The following CDH17 variants were observed in gnomAD, a reference collection of about 807,000 sequenced individuals.
The protein encoded by CDH17 is cadherin-17.
Under a neutral mutation model 86.3 loss-of-function variants are expected in CDH17, and 67 were observed. The observed-to-expected ratio is 0.78, with a 90% confidence interval of 0.64 to 0.95. The LOEUF (loss-of-function observed/expected upper bound fraction) is 0.95. Ranked by LOEUF, CDH17 falls within the 40% of genes least tolerant of loss-of-function variation. CDH17 has a pLI of 0.00. For synonymous variants in CDH17, 367 were observed against 366.4 expected, an observed-to-expected ratio of 1.00 and a Z score of -0.02; for missense variants, 993 against 1,017.6, an observed-to-expected ratio of 0.98 and a Z score of 0.33.
chr8:94,176,708 G>A (rs2130645613), intron 4 of CDH17, 29 bp from the exon 5 acceptor site: 2 of 1,598,668 alleles, frequency 1.3e-6, no homozygotes, highest in East Asian at 4.5e-5. Context: ...AAACCATGTT[G>A]GTGAGACTGA....
At chr8:94,135,148 G>A (rs1236777461) in intron 15 of CDH17, among the ~76,000 whole-genome samples, 2 of 152,164 alleles carry the variant, frequency 1.3e-5, no homozygotes, top group South Asian at 2.1e-4. Flanking sequence ...GATTTGGGGT[G>A]GAGAGTTCTG....
intron 1 of CDH17, among the ~76,000 whole-genome samples, chr8:94,206,305 A>C (rs143292507): frequency 6.6e-6 from 1 of 152,352 alleles, no homozygotes; most frequent in African/African-American, 2.4e-5. Flanking sequence ...AAATAAGTAG[A>C]TAGGTATTCC....
Position 94,173,927 on chromosome 8 carries a change from C to A in CDH17, c.653G>T (p.Gly218Val). ...ATCACTGAAGGAATTCTCACTCTGG[C>A]CTCCCATGTCCTTCACTGAGATCAC... ...NLVISVKDMG[G>V]QSENSFSDTT... Residue 218 changes from glycine (G) to valine (V), a missense_variant, in exon 7 of 18, where the codon GGC becomes GTC. Physicochemically the swap from Gly to Val is moderately radical, Grantham distance 109. Coordinates refer to ENST00000027335, the MANE Select transcript of CDH17 (RefSeq NM_004063.4). The A allele has an allele frequency of 6.2e-7, 1 of 1,613,606 alleles. No individual in the cohort carries two copies. Among genetic ancestry groups the A allele is most frequent in the African/African-American group, 1.3e-5 (1 of 75,014 alleles).
intron 1 of CDH17, among the ~76,000 whole-genome samples, chr8:94,199,038 G>GATATATATATATATATAT (rs869128612): frequency 1.4e-5 from 1 of 73,390 alleles, no homozygotes; most frequent in African/African-American, 6.8e-5. Context: ...AGTTCTGATT[G>GATATATATATATATATAT]ATATATATAT....
chr8:94,171,523 C>G (rs1813269300), intron 7 of CDH17, among the ~76,000 whole-genome samples: 1 of 152,134 alleles, frequency 6.6e-6, no homozygotes, highest in South Asian at 2.1e-4. Flanking sequence ...CTGCCAACTC[C>G]TAGGGTTGTT....
chr8:94,157,599 G>A (rs1812970209), intron 12 of CDH17, among the ~76,000 whole-genome samples: 1 of 152,142 alleles, frequency 6.6e-6, no homozygotes. Context: ...AAATTTTCTT[G>A]GTGATATGAG....
intron 3 of CDH17, among the ~76,000 whole-genome samples, chr8:94,182,358 C>G (rs1813500735): frequency 6.6e-6 from 1 of 151,986 alleles, no homozygotes; most frequent in South Asian, 2.1e-4. Flanking sequence ...TGAATATAGG[C>G]ACAAAATTTT....
intron 13 of CDH17, among the ~76,000 whole-genome samples, chr8:94,150,521 C>A (rs747339990): frequency 6.6e-6 from 1 of 152,202 alleles, no homozygotes; most frequent in Non-Finnish European, 1.5e-5. Flanking sequence ...ATCCTTAATT[C>A]TTAACAGACT....
chr8:94,173,646 C>T, intron 7 of CDH17, 151 bp downstream of exon 7: 1 of 665,380 alleles, frequency 1.5e-6, no homozygotes, highest in Non-Finnish European at 2.6e-6. Context: ...AGTCCAGTGA[C>T]TCGGGGCCAG....
At position 94,204,654 on chromosome 8, in the gene CDH17, A is replaced by G. The variant is rs186831815; in HGVS notation, c.-21+3829T>C. 1.4e-3 allele frequency among the ~76,000 whole-genome samples: 217 copies of G among 152,362 alleles called. 1 individual carries two copies. The highest frequency in any genetic ancestry group is 5.1e-3 in the African/African-American group (212 of 41,586). On this transcript the variant is annotated intron_variant, in intron 1 of 17. Transcript: ENST00000027335. ...TAGAATGATTTATAATCCTTTGGGT[A>G]TATACCCAGTAATGGGATTACTAGC...
intron 17 of CDH17, among the ~76,000 whole-genome samples, chr8:94,128,585 C>G (rs1812348514): frequency 6.6e-6 from 1 of 152,184 alleles, no homozygotes; most frequent in Non-Finnish European, 1.5e-5. Context: ...CTTGGTGGCT[C>G]TCACTGGATC....
intron 12 of CDH17, among the ~76,000 whole-genome samples, chr8:94,155,748 C>A (rs764684403): frequency 3.9e-5 from 6 of 152,098 alleles, no homozygotes; most frequent in Non-Finnish European, 8.8e-5. Flanking sequence ...ACTCCAGGAG[C>A]AGCTACATGG....
At chr8:94,215,774 C>T (rs541531461) in intron 1 of CDH17, among the ~76,000 whole-genome samples, 89 of 152,116 alleles carry the variant, frequency 5.9e-4, no homozygotes, top group African/African-American at 2.1e-3. Context: ...TTTCAGTTAC[C>T]TCGGTCTAGG....
At chr8:94,190,371 C>T (rs943185820) in intron 2 of CDH17, among the ~76,000 whole-genome samples, 1 of 152,162 alleles carries the variant, frequency 6.6e-6, no homozygotes, top group African/African-American at 2.4e-5. Context: ...CCCACCATTC[C>T]CAGTCTCAGA....
intron 7 of CDH17, among the ~76,000 whole-genome samples, chr8:94,172,738 T>G (rs1813293748): frequency 6.6e-6 from 1 of 152,128 alleles, no homozygotes; most frequent in Non-Finnish European, 1.5e-5. Context: ...CCAGAAAATA[T>G]CAAATCTGGG....
At chr8:94,169,018 G>A (rs2514809) in intron 9 of CDH17, among the ~76,000 whole-genome samples, 112,049 of 152,112 alleles carry the variant, frequency 0.74, 42,577 homozygotes, top group African/African-American at 0.9. Flanking sequence ...ACTGTGACAT[G>A]ATACATGCTT....
At chr8:94,140,299 T>C (rs961135214) in intron 15 of CDH17, among the ~76,000 whole-genome samples, 1 of 138,880 alleles carries the variant, frequency 7.2e-6, no homozygotes, top group African/African-American at 2.5e-5. Context: ...GTGTGGTAGC[T>C]CATACGTGTA....
chr8:94,177,745 T>A, intron 3 of CDH17, 24 bp from the exon 4 acceptor site: 1 of 1,611,560 alleles, frequency 6.2e-7, no homozygotes, highest in Non-Finnish European at 8.5e-7. Context: ...AAAAAACAGA[T>A]TAAGTTGTAA....
chr8:94,170,723 A>T, intron 8 of CDH17, 131 bp downstream of exon 8: 1 of 1,374,472 alleles, frequency 7.3e-7, no homozygotes, highest in Admixed American at 2.3e-5. Flanking sequence ...CATGTCTTTG[A>T]AAACCAATAA....
Sources: gnomAD v4.1 joint callset for allele counts (sites outside exome capture counted in the v4.1 genomes callset) on GRCh38, gnomAD v4.1.1 for gene constraint, MANE v1.5 for transcripts, NCBI Gene and HGNC (gene_info 2026-07-23, HGNC 2026-07-21) for gene names.